The following PCM1 variants were observed in gnomAD, a reference collection of about 807,000 sequenced individuals.
The protein encoded by PCM1 is pericentriolar material 1 protein.
A neutral mutation model predicts 241.9 loss-of-function variants in PCM1; 157 were observed. The ratio of observed to expected loss-of-function variants is 0.65; its 90% CI spans 0.57 to 0.74. The LOEUF is 0.74. Among genes scored for constraint, PCM1 ranks in the 30% least tolerant of loss-of-function variants. The pLI is 0.00. For missense variants in PCM1, 3,478 were observed against 2,360.1 expected, an observed-to-expected ratio of 1.47 and a Z score of -9.81; for synonymous variants, 1,085 against 784.9, an observed-to-expected ratio of 1.38 and a Z score of -6.39.
At chr8:18,003,483 C>T (rs1317385901) in intron 29 of PCM1, among the ~76,000 whole-genome samples, 1 of 152,170 alleles carries the variant, frequency 6.6e-6, no homozygotes, top group South Asian at 2.1e-4. Context: ...TCAGTTTCTC[C>T]TGTTTTTCAG....
rs1232250400 is a variant in PCM1, at chr8:17,986,008, T to C, written c.4331T>C (p.Val1444Ala). 6.3e-7 allele frequency: 1 copy of C among 1,594,152 alleles called. No homozygotes were observed. Among genetic ancestry groups the C allele is most frequent in the South Asian group, 1.1e-5 (1 of 88,992 alleles). Residue 1444 changes from valine (V) to alanine (A), a missense_variant, in exon 26 of 39, where the codon GTA (valine) becomes GCA (alanine). Val to Ala is a moderately conservative substitution (Grantham distance 64). Coordinates refer to ENST00000325083, the MANE Select transcript of PCM1 (RefSeq NM_006197.4). ...GAGAGCCATGAAAAAGGAGAAAATGTAAAGTCAGTAAACTCTGGTACTTGG... is the reference window on the plus strand; with the variant it reads ...GAGAGCCATGAAAAAGGAGAAAATGCAAAGTCAGTAAACTCTGGTACTTGG... ...ISESHEKGENVKSVNSGTWIA... is the reference protein window; with the variant it reads ...ISESHEKGENAKSVNSGTWIA...
At position 18,011,965 on chromosome 8, in the gene PCM1, A is replaced by C. The variant is rs977658018; in HGVS notation, c.5511+138A>C. On this transcript the variant is annotated intron_variant, in intron 34 of 38. Transcript: ENST00000325083. Reference sequence around the variant, plus strand: ...GAATGCAAGCCTCATTAATATGCTTATTAAAATCTGAAAAACCAGTTTATT... The same window carrying C: ...GAATGCAAGCCTCATTAATATGCTTCTTAAAATCTGAAAAACCAGTTTATT... 3 of 757,164 alleles carry C rather than the reference A, an allele frequency of 4.0e-6. No homozygotes were observed. In the African/African-American group the frequency reaches 5.4e-5, roughly 14 times the overall value. The allele number at this position is 757,164 out of a possible 1,614,324, so 46.9% of individuals were successfully genotyped here.
At position 17,932,670 on chromosome 8, in the gene PCM1, C is replaced by T. The variant is rs1158998810; in HGVS notation, c.-22-2919C>T. 2.6e-5 allele frequency among the ~76,000 whole-genome samples: 4 copies of T among 151,756 alleles called. No individual in the cohort carries two copies. In the South Asian group the frequency reaches 8.3e-4, roughly 32 times the overall value. On this transcript the variant is annotated intron_variant, in intron 2 of 38. Coordinates refer to ENST00000325083, the MANE Select transcript of PCM1 (RefSeq NM_006197.4). ...GCTCTCATTTACTATTCTCAGCACA[C>T]TTAGGAATTTACTTTTATGTGAATA...
intron 4 of PCM1, among the ~76,000 whole-genome samples, chr8:17,938,345 A>C (rs1225572085): frequency 6.6e-6 from 1 of 152,202 alleles, no homozygotes; most frequent in Admixed American, 6.5e-5. Flanking sequence ...TGAAACATAA[A>C]TGAATTTTAT....
intron 30 of PCM1, among the ~76,000 whole-genome samples, chr8:18,008,111 AG>A (rs34341221): frequency 6.6e-6 from 1 of 152,170 alleles, no homozygotes; most frequent in South Asian, 2.1e-4. Context: ...CATTTATATC[AG>A]GGGTCCCCAA....
chr8:17,966,313 A>T lies in PCM1; in HGVS notation c.3076-15A>T. 6.2e-7 allele frequency: 1 copy of T among 1,612,744 alleles called. No homozygotes were observed. The highest frequency in any genetic ancestry group is 8.5e-7 in the Non-Finnish European group (1 of 1,179,050). On this transcript the variant is annotated splice_polypyrimidine_tract_variant and intron_variant, in intron 19 of 38. Coordinates refer to ENST00000325083, the MANE Select transcript of PCM1 (RefSeq NM_006197.4). ...AAGTCATCAGTAACTATTAACAAAC[A>T]TTTTCTTTCAATAGACTCTATCTTG...
At chr8:17,949,793 G>A (rs566469413) in intron 7 of PCM1, among the ~76,000 whole-genome samples, 3 of 152,224 alleles carry the variant, frequency 2.0e-5, no homozygotes, top group African/African-American at 7.2e-5. Flanking sequence ...CACTGTACCT[G>A]GCCACCAATG....
At chr8:17,996,791 T>G (rs1450028776) in intron 29 of PCM1, among the ~76,000 whole-genome samples, 1 of 152,194 alleles carries the variant, frequency 6.6e-6, no homozygotes, top group African/African-American at 2.4e-5. Flanking sequence ...GCAAACAAAA[T>G]GAAAACTTAT....
chr8:17,937,863 G>A (rs78213563), intron 4 of PCM1, among the ~76,000 whole-genome samples: 1 of 152,106 alleles, frequency 6.6e-6, no homozygotes, highest in Non-Finnish European at 1.5e-5. Flanking sequence ...AGATCTATAT[G>A]TCATAGAGAC....
chr8:18,028,979 C>T lies in PCM1; in HGVS notation c.*1317C>T, dbSNP rs1016228210. 3.4e-5 allele frequency: 6 copies of T among 177,492 alleles called. No individual in the cohort carries two copies. The highest frequency in any genetic ancestry group is 9.5e-5 in the African/African-American group (4 of 42,262). 11.0% of individuals were successfully genotyped at this position (177,492 alleles called of 1,614,324 possible). A position where few individuals can be genotyped will look rare whatever the true frequency, so the allele number is the denominator to read the frequency against. On this transcript the variant is annotated 3_prime_UTR_variant, in exon 39 of 39. Coordinates refer to ENST00000325083, the MANE Select transcript of PCM1 (RefSeq NM_006197.4). ...ATCCTGCCCAACATGGGGGAAACCC[C>T]GTCTCTACTAAAAATAAAAAAATTA...
intron 23 of PCM1, among the ~76,000 whole-genome samples, chr8:17,973,732 A>T (rs1350001644): frequency 6.6e-6 from 1 of 152,012 alleles, no homozygotes; most frequent in East Asian, 1.9e-4. Flanking sequence ...AAAAAAAAAA[A>T]ATTGGTGTTT....
intron 4 of PCM1, 130 bp downstream of exon 4, chr8:17,937,509 A>G (rs1002447659): frequency 1.4e-6 from 1 of 738,976 alleles, no homozygotes; most frequent in Non-Finnish European, 2.1e-6. Flanking sequence ...GTGCCTATGG[A>G]AAGAATTTTA....
chr8:17,991,202 G>A (rs1245909483), intron 27 of PCM1, among the ~76,000 whole-genome samples: 1 of 152,026 alleles, frequency 6.6e-6, no homozygotes, highest in Non-Finnish European at 1.5e-5. Context: ...GAATTCACTT[G>A]TATTGTTTAA....
intron 29 of PCM1, among the ~76,000 whole-genome samples, chr8:17,998,384 C>A (rs554130386): frequency 1.8e-4 from 27 of 152,196 alleles, no homozygotes; most frequent in African/African-American, 6.0e-4. Context: ...GGTCCCAAGC[C>A]CAAAAACACT....
At position 17,993,552 on chromosome 8, in the gene PCM1, G is replaced by A. The variant is rs772950936; in HGVS notation, c.4760G>A (p.Arg1587Lys). ...GAAGTTTCTACCATCCCATGTCCTA[G>A]AATTGATACTCAGCAGCTGGACCGG... ...VSEVSTIPCP[R>K]IDTQQLDRQI... The change falls in exon 29 of 39, where the codon AGA (arginine) becomes AAA (lysine). Residue 1587 changes from arginine to lysine, a missense_variant. Coordinates refer to ENST00000325083, the MANE Select transcript of PCM1 (RefSeq NM_006197.4). 6.3e-6 allele frequency: 10 copies of A among 1,598,078 alleles called. No individual in the cohort carries two copies. The highest frequency in any genetic ancestry group is 1.7e-4 in the Middle Eastern group (1 of 6,034).
Position 17,962,128 on chromosome 8 carries a change from GCAA to G in PCM1, c.2418_2420del (p.Ser806_Lys807delinsArg). On this transcript the variant is annotated inframe_deletion, in exon 16 of 39. Transcript: ENST00000325083. ...GTTAATCAACACGAGACCAGTACAA[GCAA>G]ATCTGTTTTTGAGCCTGAAGATTCT... The G allele has an allele frequency of 6.2e-7, 1 of 1,609,914 alleles. No homozygotes were observed. The highest frequency in any genetic ancestry group is 8.5e-7 in the Non-Finnish European group (1 of 1,177,588).
At chr8:17,977,996 A>C (rs1249030968) in intron 23 of PCM1, among the ~76,000 whole-genome samples, 3 of 152,142 alleles carry the variant, frequency 2.0e-5, no homozygotes, top group Non-Finnish European at 4.4e-5. Context: ...AAAGAGGCAA[A>C]ACCTAGTGAA....
intron 13 of PCM1, among the ~76,000 whole-genome samples, chr8:17,959,033 C>T (rs747183836): frequency 6.6e-6 from 1 of 152,106 alleles, no homozygotes; most frequent in East Asian, 1.9e-4. Flanking sequence ...TAAACTCTGT[C>T]TTTACCTCCA....
At chr8:18,013,389 T>G (rs148137546) in intron 34 of PCM1, among the ~76,000 whole-genome samples, 48 of 152,324 alleles carry the variant, frequency 3.2e-4, no homozygotes, top group African/African-American at 1.1e-3. Context: ...CTACTCCCAG[T>G]GGCCCCAGGT....
Sources: gnomAD v4.1 joint callset for allele counts (sites outside exome capture counted in the v4.1 genomes callset) on GRCh38, gnomAD v4.1.1 for gene constraint, MANE v1.5 for transcripts, NCBI Gene and HGNC (gene_info 2026-07-23, HGNC 2026-07-21) for gene names.